L3MBTL4: variants seen among roughly 807,000 people sequenced by gnomAD.
L3MBTL4 encodes L3MBTL histone methyl-lysine binding protein 4, also known as lethal(3)malignant brain tumor-like protein 4.
A neutral mutation model predicts 84.5 loss-of-function variants in L3MBTL4; 70 were observed. The observed-to-expected ratio is 0.83, with a 90% CI of 0.68 to 1.01. L3MBTL4 has a LOEUF of 1.01. Among genes scored for constraint, L3MBTL4 ranks in the 50% least tolerant of loss-of-function variants. L3MBTL4 has a pLI of 0.00. For synonymous variants in L3MBTL4, 274 were observed against 259.8 expected (o/e 1.05, Z -0.52); for missense variants, 715 against 754.8 (o/e 0.95, Z 0.62).
chr18:6,370,583 C>T (rs1240802183), intron 1 of L3MBTL4, among the ~76,000 whole-genome samples: 2 of 152,188 alleles, frequency 1.3e-5, no homozygotes, highest in East Asian at 3.9e-4. Flanking sequence ...CCCCTCCCAC[C>T]CAGGGCAGTG....
At chr18:6,007,326 T>TG (rs2054534520) in intron 16 of L3MBTL4, among the ~76,000 whole-genome samples, 1 of 98,104 alleles carries the variant, frequency 1.0e-5, no homozygotes, top group African/African-American at 2.9e-5. Context: ...CTTAAACATA[T>TG]GAAAAAAATG....
In L3MBTL4 at chr18:6,414,378, C is replaced by T. The variant is rs2056102858; in HGVS notation, c.-91+423G>A. ...AGCCAAATGCCCACCGCCGGGCGCT[C>T]GATGGCCGGAGGACTGCCTGGGGGC... On this transcript the variant is annotated intron_variant, in intron 1 of 18. Coordinates refer to ENST00000317931, the MANE Select transcript of L3MBTL4 (RefSeq NM_001330559.2). This position sits in a 1 kb window ranked among gnomAD's most constrained non-coding sequence, Gnocchi z 5.4. Among the ~76,000 whole-genome samples, 2 of 152,148 alleles carry T rather than the reference C, an allele frequency of 1.3e-5. No homozygotes were observed. Among genetic ancestry groups the T allele is most frequent in the African/African-American group, 4.8e-5 (2 of 41,456 alleles).
chr18:6,046,604 C>A, intron 16 of L3MBTL4: 1 of 578,382 alleles, frequency 1.7e-6, no homozygotes. Context: ...CCAAGATCTC[C>A]CAAAACCACA....
intron 14 of L3MBTL4, among the ~76,000 whole-genome samples, chr18:6,136,371 C>A (rs2060029040): frequency 6.6e-6 from 1 of 152,110 alleles, no homozygotes; most frequent in South Asian, 2.1e-4. Flanking sequence ...CGCTGACTTC[C>A]TAGAACTAAA....
intron 18 of L3MBTL4, among the ~76,000 whole-genome samples, chr18:5,957,918 C>T (rs1443886990): frequency 6.7e-6 from 1 of 149,146 alleles, no homozygotes; most frequent in Non-Finnish European, 1.5e-5. Context: ...CAAGATCATC[C>T]CAATGCATTC....
rs1019580644 is a variant in L3MBTL4 at position 6,213,189 on chromosome 18, C to T, written c.941G>A (p.Arg314His). Residue 314 changes from arginine to histidine, a missense_variant, in exon 12 of 19, where the codon CGT becomes CAT. Physicochemically the swap from Arg to His is conservative, Grantham distance 29. Transcript: ENST00000317931. ...ATCAACATCTACAATCGTAGCAACA[C>T]GAATTAACCTGGGGTTCCGTTTATC... is the stretch of plus-strand genomic sequence containing the variant. ...VVDKRNPRLI[R>H]VATIVDVDDQ... 12 of 1,609,132 alleles carry T rather than the reference C, an allele frequency of 7.5e-6. No individual in the cohort carries two copies. The highest frequency in any genetic ancestry group is 2.2e-5 in the East Asian group (1 of 44,766).
In L3MBTL4 at chr18:6,404,233, G is replaced by A. The variant is rs377099771; in HGVS notation, c.-91+10568C>T. On this transcript the variant is annotated intron_variant, in intron 1 of 18. Transcript: ENST00000317931. ...TGTGATAAAAACCACCTGTTCCCCC[G>A]AAAAGCTGTTGAAATAATTTTTAAA... is the stretch of plus-strand genomic sequence containing the variant. 1.4e-4 allele frequency among the ~76,000 whole-genome samples: 21 copies of A among 152,240 alleles called. No homozygotes were observed. The South Asian group carries it at 1.5e-3, about 11-fold the overall frequency.
intron 1 of L3MBTL4, among the ~76,000 whole-genome samples, chr18:6,329,138 C>CT (rs796709611): frequency 9.7e-6 from 1 of 103,210 alleles, no homozygotes; most frequent in Non-Finnish European, 2.0e-5. Context: ...TCTTTTGTTT[C>CT]TTTTTTTCTT....
intron 1 of L3MBTL4, among the ~76,000 whole-genome samples, chr18:6,378,663 G>A (rs2054471308): frequency 6.6e-6 from 1 of 152,174 alleles, no homozygotes; most frequent in Non-Finnish European, 1.5e-5. Flanking sequence ...CCTCTGTTCT[G>A]TTCTGTTGGT....
chr18:6,103,298 T>G (rs1208746800), intron 14 of L3MBTL4, among the ~76,000 whole-genome samples: 1 of 152,230 alleles, frequency 6.6e-6, no homozygotes, highest in East Asian at 1.9e-4. Flanking sequence ...TAAAATGAAC[T>G]TTTTTCTTAG....
intron 14 of L3MBTL4, among the ~76,000 whole-genome samples, chr18:6,119,538 G>A (rs2059462573): frequency 6.6e-6 from 1 of 152,206 alleles, no homozygotes; most frequent in African/African-American, 2.4e-5. Context: ...AGGCTTGAAT[G>A]CGTATGGATC....
intron 16 of L3MBTL4, among the ~76,000 whole-genome samples, chr18:6,059,488 T>TTTGGTTTAAGAGA (rs1396332122): frequency 2.0e-5 from 3 of 152,218 alleles, no homozygotes; most frequent in African/African-American, 7.2e-5. Context: ...CAAAGTCTTG[T>TTTGGTTTAAGAGA]ATTCCAGCAA....
chr18:5,975,930 C>T (rs1034982448), intron 16 of L3MBTL4, among the ~76,000 whole-genome samples: 3 of 152,194 alleles, frequency 2.0e-5, no homozygotes, highest in Admixed American at 2.0e-4. Context: ...CGAATATCTG[C>T]AGTTTTCTAA....
At chr18:6,254,412 C>CTTTTTTT (rs763440464) in intron 5 of L3MBTL4, among the ~76,000 whole-genome samples, 1 of 112,726 alleles carries the variant, frequency 8.9e-6, no homozygotes, top group Non-Finnish European at 1.8e-5. Flanking sequence ...AAAGTGACAC[C>CTTTTTTT]TTTTTTTTTT....
intron 13 of L3MBTL4, among the ~76,000 whole-genome samples, chr18:6,158,186 G>A (rs1051598013): frequency 7.2e-5 from 11 of 152,278 alleles, no homozygotes; most frequent in South Asian, 2.1e-4. Context: ...AGATACCACC[G>A]TCCTTCCATT....
intron 13 of L3MBTL4, among the ~76,000 whole-genome samples, chr18:6,149,922 T>C (rs763816502): frequency 3.2e-4 from 49 of 152,156 alleles, no homozygotes; most frequent in Non-Finnish European, 5.4e-4. Flanking sequence ...CTTAAGCAAA[T>C]TGACACTAAA....
At chr18:6,246,066 C>G (rs143161246) in intron 5 of L3MBTL4, among the ~76,000 whole-genome samples, 15 of 152,202 alleles carry the variant, frequency 9.9e-5, no homozygotes, top group African/African-American at 3.6e-4. Flanking sequence ...AAAGTCAGCT[C>G]TGTCATATAT....
At chr18:6,324,307 C>T (rs77517223) in intron 1 of L3MBTL4, among the ~76,000 whole-genome samples, 6,398 of 152,304 alleles carry the variant, frequency 0.042, 154 homozygotes, top group East Asian at 0.1. Flanking sequence ...AGAGTACTCA[C>T]TGGAACACTG....
At chr18:6,168,165 T>C (rs371836539) in intron 13 of L3MBTL4, among the ~76,000 whole-genome samples, 1 of 151,530 alleles carries the variant, frequency 6.6e-6, no homozygotes, top group African/African-American at 2.4e-5. Context: ...CACTGCTCAA[T>C]GAAATAAAAG....
Sources: gnomAD v4.1 joint callset for allele counts (sites outside exome capture counted in the v4.1 genomes callset) on GRCh38, gnomAD v4.1.1 for gene constraint, Gnocchi (gnomAD v3.1) non-coding constraint, MANE v1.5 for transcripts, NCBI Gene and HGNC (gene_info 2026-07-23, HGNC 2026-07-21) for gene names.